The following ZNF318 variants were observed in gnomAD, a reference collection of about 807,000 sequenced individuals.
The protein encoded by ZNF318 is zinc finger protein 318.
ZNF318 carries 51 observed loss-of-function variants against 124.2 expected under a neutral mutation model. The observed-to-expected ratio is 0.41, with a 90% CI of 0.33 to 0.52. The LOEUF is 0.52. Among genes scored for constraint, ZNF318 ranks in the 20% least tolerant of loss-of-function variants. The probability of loss-of-function intolerance (pLI) is 0.23; values close to 1 mark genes in which losing one functional copy is unlikely to be tolerated. For synonymous variants in ZNF318, 1,090 were observed against 1,040.7 expected (o/e 1.05, Z -0.91); for missense variants, 2,815 against 2,811.2 (o/e 1.00, Z -0.03).
At position 43,336,681 on chromosome 6, in the gene ZNF318, T is replaced by C. The variant is rs1779284333; in HGVS notation, c.*477A>G. ...AGAGATGAACAATTCTTCCAAGTTT[T>C]CCATTTCAGCAAGCTTTCTGGTGTT... On this transcript the variant is annotated 3_prime_UTR_variant, in exon 10 of 10. Transcript: ENST00000361428. The C allele has an allele frequency of 6.6e-6, 1 of 152,636 alleles. No individual in the cohort carries two copies. The highest frequency in any genetic ancestry group is 2.4e-5 in the African/African-American group (1 of 41,446). 9.5% of individuals were successfully genotyped at this position (152,636 alleles called of 1,614,324 possible).
Position 43,354,698 on chromosome 6 carries a change from G to C in ZNF318, c.2636C>G (p.Ser879Cys). 1 of 1,612,840 alleles carries C rather than the reference G, an allele frequency of 6.2e-7. No homozygotes were observed. The highest frequency in any genetic ancestry group is 8.5e-7 in the Non-Finnish European group (1 of 1,179,502). The change falls in exon 4 of 10, where the codon TCT (serine) becomes TGT (cysteine). Residue 879 changes from serine (S) to cysteine (C), a missense_variant. By Grantham distance (112) the Ser-to-Cys change is moderately radical. Coordinates refer to ENST00000361428, the MANE Select transcript of ZNF318 (RefSeq NM_014345.3). Reference protein sequence around the residue: ...SLIRYNPEKISDEKNRASQKQ... With the variant: ...SLIRYNPEKICDEKNRASQKQ... Reference sequence around the variant, plus strand: ...CTGGGAAGCACGGTTCTTCTCATCAGAGATCTTCTCTGGATTATATCTTAT... The same window carrying C: ...CTGGGAAGCACGGTTCTTCTCATCACAGATCTTCTCTGGATTATATCTTAT...
chr6:43,366,998 C>A lies in ZNF318; in HGVS notation c.400-1558G>T, dbSNP rs551994327. On this transcript the variant is annotated intron_variant, in intron 1 of 9. Transcript: ENST00000361428. ...TCCCAAGTAGCTGGGACTACAGGTG[C>A]CCGCCACCAAGCCCGACTAATTATT... is the stretch of plus-strand genomic sequence containing the variant. Among the ~76,000 whole-genome samples, 3 of 152,158 alleles carry A rather than the reference C, an allele frequency of 2.0e-5. No individual in the cohort carries two copies. The South Asian group carries it at 6.2e-4, about 32-fold the overall frequency.
chr6:43,339,953 G>A lies in ZNF318; in HGVS notation c.4045C>T (p.Arg1349Ter), dbSNP rs746170618. The change falls in exon 10 of 10, where the codon CGA (arginine) becomes TGA (stop). Residue 1349 changes from arginine (R) to a stop codon, truncating the protein, a stop_gained. Transcript: ENST00000361428. LOFTEE classifies it high-confidence loss of function. This position sits in a 1 kb window ranked among gnomAD's most constrained non-coding sequence, Gnocchi z 4.2. The stretch of plus-strand genomic sequence containing the variant: ...GTGGATGGAATAGGCAGGTTGGGTC[G>A]GATCTTAGTCTGTGTGGAAGTTGTC... ...VVTTSTQTKI[R>*]PNLPIPSTVL... 2.5e-6 allele frequency: 4 copies of A among 1,614,160 alleles called. No homozygotes were observed. The highest frequency in any genetic ancestry group is 1.7e-5 in the Admixed American group (1 of 60,022).
chr6:43,364,281 T>C, intron 2 of ZNF318: 1 of 463,680 alleles, frequency 2.2e-6, no homozygotes, highest in Admixed American at 3.4e-5. Context: ...GCTCCAGCTG[T>C]GGCTACAACA....
chr6:43,355,197 G>A lies in ZNF318; in HGVS notation c.2137C>T (p.Leu713=). 1 of 1,614,234 alleles carries A rather than the reference G, an allele frequency of 6.2e-7. No homozygotes were observed. The highest frequency in any genetic ancestry group is 2.2e-5 in the East Asian group (1 of 44,894). Residue 713 remains leucine, a synonymous_variant, in exon 4 of 10, where the codon CTA becomes TTA. Transcript: ENST00000361428. Reference sequence around the variant, plus strand: ...TGACCCACTGGATGGTCAGACTTTAGGAATGGAGGGCTGTTTTTTGTGAGC... The same window carrying A: ...TGACCCACTGGATGGTCAGACTTTAAGAATGGAGGGCTGTTTTTTGTGAGC... ...YLLTKNSPPF[L]KSDHPVGHIS... is the part of the protein sequence containing the mutation.
chr6:43,359,032 A>G (rs1039556677), intron 2 of ZNF318, among the ~76,000 whole-genome samples: 5 of 152,136 alleles, frequency 3.3e-5, no homozygotes, highest in Admixed American at 2.6e-4. Flanking sequence ...TTCAATTGGG[A>G]AAAAAAAGTA....
chr6:43,351,031 T>G (rs966882759), intron 5 of ZNF318, among the ~76,000 whole-genome samples: 2 of 152,194 alleles, frequency 1.3e-5, no homozygotes, highest in African/African-American at 4.8e-5. Context: ...TAATTAAAGT[T>G]AACATCACCA....
Position 43,355,969 on chromosome 6 carries a change from G to A in ZNF318, c.1365C>T (p.Pro455=), listed in dbSNP as rs1485694972. 3 of 1,614,048 alleles carry A rather than the reference G, an allele frequency of 1.9e-6. No homozygotes were observed. The highest frequency in any genetic ancestry group is 2.5e-6 in the Non-Finnish European group (3 of 1,180,038). The stretch of plus-strand genomic sequence containing the variant: ...TGTTGTCTTTGGGAATCCCAGGAAG[G>A]GGACCCCATTGGTAGAGGTTGCCCT... ...EPQGNLYQWG[P]LPGIPKDNSP... The change falls in exon 4 of 10, where the codon CCC becomes CCT. Residue 455 remains proline, a synonymous_variant. Coordinates refer to ENST00000361428, the MANE Select transcript of ZNF318 (RefSeq NM_014345.3).
At position 43,339,378 on chromosome 6, in the gene ZNF318, T is replaced by C; in HGVS notation, c.4620A>G (p.Pro1540=). ...TLFSVLVRPP[P]PLSSVFSEQA... ...GTTCACTGAACACACTTGAGAGGGGTGGTGGAGGACGTACTAACACAGAGA... is the reference window on the plus strand; with the variant it reads ...GTTCACTGAACACACTTGAGAGGGGCGGTGGAGGACGTACTAACACAGAGA... The change falls in exon 10 of 10, where the codon CCA becomes CCG. Residue 1540 remains proline, a synonymous_variant. Coordinates refer to ENST00000361428, the MANE Select transcript of ZNF318 (RefSeq NM_014345.3). This position sits in a 1 kb window ranked among gnomAD's most constrained non-coding sequence, Gnocchi z 4.2. The C allele has an allele frequency of 6.2e-7, 1 of 1,613,900 alleles. No individual in the cohort carries two copies. Among genetic ancestry groups the C allele is most frequent in the Non-Finnish European group, 8.5e-7 (1 of 1,179,970 alleles).
chr6:43,348,978 G>A (rs1452820123), intron 5 of ZNF318, among the ~76,000 whole-genome samples: 1 of 152,202 alleles, frequency 6.6e-6, no homozygotes. Flanking sequence ...AGCTTGCAGT[G>A]AGCCAAGATC....
rs765911486 is a variant in ZNF318, at chr6:43,339,419, G to A, written c.4579C>T (p.Arg1527Ter). Residue 1527 changes from arginine (R) to a stop codon, truncating the protein, a stop_gained, in exon 10 of 10, where the codon CGA becomes TGA. Transcript: ENST00000361428. LOFTEE classifies it low-confidence loss of function (END_TRUNC). The surrounding 1 kb of genome is among the most constrained non-coding windows in gnomAD (Gnocchi z 4.2). ...AACACAGAGAACAGGGTCTGGTCTCGGTCACTCTCACTCACCCCAGGAGCT... is the reference window on the plus strand; with the variant it reads ...AACACAGAGAACAGGGTCTGGTCTCAGTCACTCTCACTCACCCCAGGAGCT... ...ETAPGVSESDRDQTLFSVLVR... is the reference protein window; with the variant it reads ...ETAPGVSESD 1 of 1,614,098 alleles carries A rather than the reference G, an allele frequency of 6.2e-7. No individual in the cohort carries two copies. The highest frequency in any genetic ancestry group is 8.5e-7 in the Non-Finnish European group (1 of 1,180,024).
rs749290989 is a variant in ZNF318, at chr6:43,348,325, T to C, written c.3071A>G (p.Lys1024Arg). 5 of 1,601,040 alleles carry C rather than the reference T, an allele frequency of 3.1e-6. No individual in the cohort carries two copies. Among genetic ancestry groups the C allele is most frequent in the Non-Finnish European group, 4.3e-6 (5 of 1,174,828 alleles). ...GAAATGGAAAAATTGAGTTGTTACC[T>C]TGTTGGAGGAGGAGTTTGAGAACGA... ...VSSFSNSSSN[K>R]ESKVNNEKFR... The change falls in exon 6 of 10, where the codon AAG (lysine) becomes AGG (arginine). Residue 1024 changes from lysine to arginine, a missense_variant and splice_region_variant. Coordinates refer to ENST00000361428, the MANE Select transcript of ZNF318 (RefSeq NM_014345.3).
At position 43,355,353 on chromosome 6, in the gene ZNF318, C is replaced by G; in HGVS notation, c.1981G>C (p.Asp661His). 6.2e-7 allele frequency: 1 copy of G among 1,614,088 alleles called. No homozygotes were observed. The highest frequency in any genetic ancestry group is 8.5e-7 in the Non-Finnish European group (1 of 1,180,030). ...CGTCGATCAGCTGAGAAGCAGTGGT[C>G]AACTGAGGAACAGCGGTCAGCTGAG... The part of the protein sequence containing the change: ...RFSADRCSSV[D>H]HCFSADRRSS... The change falls in exon 4 of 10, where the codon GAC becomes CAC. Residue 661 changes from aspartate to histidine, a missense_variant. Asp to His is a moderately conservative substitution (Grantham distance 81). Coordinates refer to ENST00000361428, the MANE Select transcript of ZNF318 (RefSeq NM_014345.3).
In ZNF318 at chr6:43,342,602, C is replaced by G. The variant is rs1267468261; in HGVS notation, c.3276+74G>C. On this transcript the variant is annotated intron_variant, in intron 7 of 9. Coordinates refer to ENST00000361428, the MANE Select transcript of ZNF318 (RefSeq NM_014345.3). ...GAGAATGTTTCCTTTTCCAGCTTTGCAATGCAGATAGGGGTATAGAAGTTT... is the reference window on the plus strand; with the variant it reads ...GAGAATGTTTCCTTTTCCAGCTTTGGAATGCAGATAGGGGTATAGAAGTTT... 10 of 1,481,506 alleles carry G rather than the reference C, an allele frequency of 6.7e-6. No homozygotes were observed. The Admixed American group carries it at 1.7e-4, about 25-fold the overall frequency. 91.8% of individuals were successfully genotyped at this position (1,481,506 alleles called of 1,614,324 possible).
chr6:43,340,666 G>C, intron 9 of ZNF318, 124 bp downstream of exon 9: 1 of 1,501,930 alleles, frequency 6.7e-7, no homozygotes, highest in Non-Finnish European at 9.0e-7. Context: ...GGATTGAGGA[G>C]AACTTAGAGG....
chr6:43,362,017 C>T (rs1779686537), intron 2 of ZNF318, among the ~76,000 whole-genome samples: 1 of 151,780 alleles, frequency 6.6e-6, no homozygotes, highest in Non-Finnish European at 1.5e-5. Flanking sequence ...ATTAGCTGGG[C>T]GTCGGGTGGT....
chr6:43,338,438 T>G lies in ZNF318; in HGVS notation c.5560A>C (p.Lys1854Gln). Reference sequence around the variant, plus strand: ...AAAGAGCAAGCCTGTGGACTCAATTTGATCACTACTTTACTTGGAGTTTCA... The same window carrying G: ...AAAGAGCAAGCCTGTGGACTCAATTGGATCACTACTTTACTTGGAGTTTCA... Reference protein sequence around the residue: ...GSETPSKVVIKLSPQACSFTK... With the variant: ...GSETPSKVVIQLSPQACSFTK... Residue 1854 changes from lysine to glutamine, a missense_variant, in exon 10 of 10, where the codon AAA (lysine) becomes CAA (glutamine). Transcript: ENST00000361428. The G allele has an allele frequency of 6.2e-7, 1 of 1,614,246 alleles. No homozygotes were observed. Among genetic ancestry groups the G allele is most frequent in the South Asian group, 1.1e-5 (1 of 91,088 alleles).
chr6:43,361,437 A>G (rs1403249309), intron 2 of ZNF318, among the ~76,000 whole-genome samples: 1 of 152,234 alleles, frequency 6.6e-6, no homozygotes, highest in Non-Finnish European at 1.5e-5. Context: ...GTGGCAGTGC[A>G]GCCCATAGTC....
rs768825837 is a variant in ZNF318, at chr6:43,337,307, C to T, written c.6691G>A (p.Asp2231Asn). ...GGAGCTTTAACCAAATTCAGAGGGT[C>T]GCCACTGTCATCATCTACTTGCAGA... ...AILQVDDDSG[D>N]PLNLVKAPVS... is the part of the protein sequence containing the mutation. The change falls in exon 10 of 10, where the codon GAC becomes AAC. Residue 2231 changes from aspartate (D) to asparagine (N), a missense_variant. Physicochemically the swap from Asp to Asn is conservative, Grantham distance 23. Around this residue, in one of 4 missense-constraint regions of ZNF318, gnomAD observed 927 missense variants for 820.6 expected, o/e 1.13. Coordinates refer to ENST00000361428, the MANE Select transcript of ZNF318 (RefSeq NM_014345.3). The T allele has an allele frequency of 5.1e-5, 82 of 1,613,956 alleles. No homozygotes were observed. The highest frequency in any genetic ancestry group is 4.7e-5 in the Non-Finnish European group (55 of 1,180,016).
Sources: allele counts gnomAD v4.1 joint callset (sites outside exome capture counted in the v4.1 genomes callset), GRCh38; gene constraint gnomAD v4.1.1; regional missense constraint gnomAD v4.1.1; non-coding constraint Gnocchi (gnomAD v3.1); transcripts MANE v1.5; gene names NCBI Gene and HGNC (gene_info 2026-07-23, HGNC 2026-07-21).